GRK3: variants seen among roughly 807,000 people sequenced by gnomAD.
GRK3 encodes adrenergic, beta, receptor kinase 2.
A neutral mutation model predicts 95.7 loss-of-function variants in GRK3; 54 were observed. The observed-to-expected ratio is 0.56, with a 90% CI of 0.45 to 0.71. The LOEUF is 0.71. Among genes scored for constraint, GRK3 ranks in the 30% least tolerant of loss-of-function variants. The pLI is 0.00. For missense variants in GRK3, 649 were observed against 851.2 expected (o/e 0.76, Z 2.96); for synonymous variants, 281 against 290.8 (o/e 0.97, Z 0.34).
At chr22:25,683,157 A>T (rs2085087586) in intron 9 of GRK3, among the ~76,000 whole-genome samples, 1 of 152,286 alleles carries the variant, frequency 6.6e-6, no homozygotes, top group Non-Finnish European at 1.5e-5. Flanking sequence ...CAGAGATTAT[A>T]TGCGGCCTGC....
chr22:25,585,316 G>A (rs1932263137), intron 1 of GRK3, among the ~76,000 whole-genome samples: 1 of 152,286 alleles, frequency 6.6e-6, no homozygotes, highest in Non-Finnish European at 1.5e-5. Context: ...GTTGGGAAAT[G>A]TGATGTGAAT....
chr22:25,629,098 C>T lies in GRK3; in HGVS notation c.191-15494C>T, dbSNP rs190017267. Among the ~76,000 whole-genome samples the T allele has an allele frequency of 1.5e-3, 233 of 152,168 alleles. 1 individual carries two copies. Among genetic ancestry groups the T allele is most frequent in the Admixed American group, 2.6e-3 (40 of 15,288 alleles). On this transcript the variant is annotated intron_variant, in intron 2 of 20. Transcript: ENST00000324198. ...TAAAAACAAATCATTGTAATAAAGCCAGATCATGCTCTGAAAATGGTAAGA... is the reference window on the plus strand; with the variant it reads ...TAAAAACAAATCATTGTAATAAAGCTAGATCATGCTCTGAAAATGGTAAGA...
intron 14 of GRK3, 59 bp from the exon 15 acceptor site, chr22:25,704,050 G>C: frequency 8.0e-7 from 1 of 1,255,568 alleles, no homozygotes; most frequent in Non-Finnish European, 1.2e-6. Context: ...AAGTCTGGTT[G>C]AGTGTTAGGA....
intron 2 of GRK3, among the ~76,000 whole-genome samples, chr22:25,632,047 G>A (rs2146368940): frequency 6.6e-6 from 1 of 152,234 alleles, no homozygotes; most frequent in East Asian, 1.9e-4. Flanking sequence ...GACTATAAGA[G>A]CATACATTTT....
chr22:25,661,407 C>G (rs1475103487), intron 3 of GRK3, among the ~76,000 whole-genome samples, 169 bp from the exon 4 acceptor site: 1 of 152,146 alleles, frequency 6.6e-6, no homozygotes, highest in African/African-American at 2.4e-5. Flanking sequence ...TTAAATTATT[C>G]CAACTTCATT....
intron 3 of GRK3, among the ~76,000 whole-genome samples, chr22:25,660,702 A>G (rs923573580): frequency 2.0e-5 from 3 of 152,224 alleles, no homozygotes; most frequent in Non-Finnish European, 2.9e-5. Flanking sequence ...AGGAAGTCAT[A>G]TGTACTAATC....
intron 1 of GRK3, among the ~76,000 whole-genome samples, chr22:25,575,844 T>C (rs1931872052): frequency 6.6e-6 from 1 of 152,252 alleles, no homozygotes; most frequent in Non-Finnish European, 1.5e-5. Context: ...GTCTTGACTG[T>C]GGGGCAGGGA....
intron 2 of GRK3, among the ~76,000 whole-genome samples, chr22:25,637,832 C>T (rs2084713828): frequency 6.6e-6 from 1 of 152,180 alleles, no homozygotes; most frequent in Middle Eastern, 3.2e-3. Flanking sequence ...TGTGAGCTGG[C>T]AGGCTCGAGA....
intron 3 of GRK3, among the ~76,000 whole-genome samples, chr22:25,651,426 G>T (rs2084829835): frequency 1.3e-5 from 2 of 152,178 alleles, no homozygotes; most frequent in Admixed American, 6.5e-5. Flanking sequence ...GTGACAGATG[G>T]ACTTCATGCA....
At chr22:25,636,459 A>G (rs970974319) in intron 2 of GRK3, among the ~76,000 whole-genome samples, 1 of 152,230 alleles carries the variant, frequency 6.6e-6, no homozygotes, top group Non-Finnish European at 1.5e-5. Flanking sequence ...TATCCTCAAT[A>G]TATTTACTCA....
At chr22:25,701,980 G>C (rs1316390261) in intron 13 of GRK3, among the ~76,000 whole-genome samples, 1 of 152,034 alleles carries the variant, frequency 6.6e-6, no homozygotes, top group Non-Finnish European at 1.5e-5. Flanking sequence ...TTTAAATGTG[G>C]TAATTGTACA....
chr22:25,632,914 G>GT (rs2084674061), intron 2 of GRK3, among the ~76,000 whole-genome samples: 1 of 151,718 alleles, frequency 6.6e-6, no homozygotes, highest in Non-Finnish European at 1.5e-5. Context: ...TATCCTTTTT[G>GT]TTTTTTTGTT....
At position 25,687,633 on chromosome 22, in the gene GRK3, T is replaced by G; in HGVS notation, c.923T>G (p.Met308Arg). The G allele has an allele frequency of 1.2e-6, 2 of 1,614,154 alleles. No homozygotes were observed. The highest frequency in any genetic ancestry group is 1.7e-6 in the Non-Finnish European group (2 of 1,180,014). ...GAAATCATTCTGGGTCTGGAACACA[T>G]GCACAATCGGTTTGTTGTCTACAGA... is the stretch of plus-strand genomic sequence containing the variant. ...ATEIILGLEH[M>R]HNRFVVYRDL... is the part of the protein sequence containing the mutation. Residue 308 changes from methionine to arginine, a missense_variant, in exon 11 of 21, where the codon ATG becomes AGG. Physicochemically the swap from Met to Arg is moderately conservative, Grantham distance 91 (BLOSUM62 -1). This residue lies in a region of GRK3 where 382 missense variants were observed against 493.8 expected (regional missense o/e 0.77). Coordinates refer to ENST00000324198, the MANE Select transcript of GRK3 (RefSeq NM_005160.4).
intron 9 of GRK3, among the ~76,000 whole-genome samples, chr22:25,680,895 G>A (rs1296733870): frequency 6.6e-6 from 1 of 150,974 alleles, no homozygotes; most frequent in East Asian, 1.9e-4. Flanking sequence ...TTCCCGTATT[G>A]TGGACATGTA....
At chr22:25,573,647 C>A (rs1363779362) in intron 1 of GRK3, among the ~76,000 whole-genome samples, 1 of 152,012 alleles carries the variant, frequency 6.6e-6, no homozygotes, top group African/African-American at 2.4e-5. Context: ...GACTGTAATC[C>A]CAGCACTTTG....
intron 2 of GRK3, among the ~76,000 whole-genome samples, chr22:25,631,128 G>T (rs1166254625): frequency 6.6e-6 from 1 of 152,228 alleles, no homozygotes; most frequent in Admixed American, 6.5e-5. Flanking sequence ...GTAATCCCTA[G>T]CCAGTAGGGA....
Position 25,620,012 on chromosome 22 carries a change from G to T in GRK3, c.190+15559G>T, listed in dbSNP as rs866468167. ...TTCCTTTCCTTTGTCTTTTTTGTGTGTGTGTGTGTGTGTGTGTGTGTGTGT... is the reference window on the plus strand; with the variant it reads ...TTCCTTTCCTTTGTCTTTTTTGTGTTTGTGTGTGTGTGTGTGTGTGTGTGT... On this transcript the variant is annotated intron_variant, in intron 2 of 20. Coordinates refer to ENST00000324198, the MANE Select transcript of GRK3 (RefSeq NM_005160.4). 7.5e-3 allele frequency among the ~76,000 whole-genome samples: 785 copies of T among 105,162 alleles called. 7 individuals carry two copies. The highest frequency in any genetic ancestry group is 0.017 in the East Asian group (67 of 4,038). The allele number at this position is 105,162 out of a possible 152,430, so 69.0% of individuals were successfully genotyped here. A position where few individuals can be genotyped will look rare whatever the true frequency, so the allele number is the denominator to read the frequency against.
At chr22:25,697,909 G>A (rs2085222573) in intron 13 of GRK3, among the ~76,000 whole-genome samples, 1 of 152,156 alleles carries the variant, frequency 6.6e-6, no homozygotes, top group South Asian at 2.1e-4. Flanking sequence ...TGTTTGTTCA[G>A]AAGTCACTCA....
At chr22:25,663,756 C>T (rs775238408) in intron 5 of GRK3, 52 bp downstream of exon 5, 1 of 1,315,828 alleles carries the variant, frequency 7.6e-7, no homozygotes, top group South Asian at 1.2e-5. Context: ...TAACACTTGG[C>T]CTTGGTGACA....
Sources: gnomAD v4.1 joint callset for allele counts (sites outside exome capture counted in the v4.1 genomes callset) on GRCh38, gnomAD v4.1.1 for gene constraint, gnomAD v4.1.1 regional missense constraint, MANE v1.5 for transcripts, NCBI Gene and HGNC (gene_info 2026-07-23, HGNC 2026-07-21) for gene names.